The following FLT3 variants were observed in gnomAD, a reference collection of about 807,000 sequenced individuals.
FLT3 encodes receptor-type tyrosine-protein kinase FLT3.
Under a neutral mutation model 126.6 loss-of-function variants are expected in FLT3, and 46 were observed. The ratio of observed to expected loss-of-function variants is 0.36; its 90% CI spans 0.29 to 0.46. The LOEUF (loss-of-function observed/expected upper bound fraction) is 0.46, where lower values mean the gene tolerates loss of function less well. Among genes scored for constraint, FLT3 ranks in the 20% least tolerant of loss-of-function variants. The probability of loss-of-function intolerance (pLI) is 1.00; values close to 1 mark genes in which losing one functional copy is unlikely to be tolerated. For missense variants in FLT3, 1,069 were observed against 1,190.3 expected, an observed-to-expected ratio of 0.90 and a Z score of 1.50; for synonymous variants, 404 against 434.4, an observed-to-expected ratio of 0.93 and a Z score of 0.87.
At chr13:28,044,238 C>T (rs1035692032) in intron 9 of FLT3, among the ~76,000 whole-genome samples, 2 of 151,754 alleles carry the variant, frequency 1.3e-5, no homozygotes, top group African/African-American at 4.8e-5. Flanking sequence ...CATTTGAGGT[C>T]AGGAGTTCGA....
At chr13:28,013,529 A>G (rs948313546) in intron 23 of FLT3, among the ~76,000 whole-genome samples, 1 of 152,166 alleles carries the variant, frequency 6.6e-6, no homozygotes, top group African/African-American at 2.4e-5. Flanking sequence ...TCCTTTATTT[A>G]TTTCATCTGG....
rs183612269 is a variant in FLT3, at chr13:28,018,869, G to C, written c.2419-280C>G. On this transcript the variant is annotated intron_variant, in intron 19 of 23. Transcript: ENST00000241453. ...TTTTGCAGATTCCGAGCAAAAGTGAGAGGCTCCCCAACAGGGGCCCTCCCC... is the reference window on the plus strand; with the variant it reads ...TTTTGCAGATTCCGAGCAAAAGTGACAGGCTCCCCAACAGGGGCCCTCCCC... Among the ~76,000 whole-genome samples the C allele has an allele frequency of 2.6e-3, 390 of 152,290 alleles. 1 individual carries two copies. The highest frequency in any genetic ancestry group is 4.0e-3 in the Non-Finnish European group (273 of 68,018).
chr13:28,029,976 G>A (rs1873173443), intron 15 of FLT3, among the ~76,000 whole-genome samples: 2 of 152,166 alleles, frequency 1.3e-5, no homozygotes, highest in Admixed American at 1.3e-4. Context: ...CAGCCACAGG[G>A]GCAAGGGCAG....
At chr13:28,025,062 A>C in intron 17 of FLT3, 119 bp from the exon 18 acceptor site, 2 of 672,258 alleles carry the variant, frequency 3.0e-6, no homozygotes, top group South Asian at 3.8e-5. Flanking sequence ...TTAAATTAAA[A>C]GCACACCATC....
In FLT3 at chr13:28,057,333, C is replaced by T. The variant is rs775443081; in HGVS notation, c.484+14G>A. 3 of 1,063,704 alleles carry T rather than the reference C, an allele frequency of 2.8e-6. No individual in the cohort carries two copies. The South Asian group carries it at 3.7e-5, about 13-fold the overall frequency. 65.9% of individuals were successfully genotyped at this position (1,063,704 alleles called of 1,614,324 possible). A position where few individuals can be genotyped will look rare whatever the true frequency, so the allele number is the denominator to read the frequency against. On this transcript the variant is annotated intron_variant, in intron 4 of 23. Transcript: ENST00000241453. ...GTATTCCAGGCTGGAATACTAGTAG[C>T]AGGCTGGACTTACTTCTTATACTCA...
chr13:28,081,855 T>C, intron 1 of FLT3, among the ~76,000 whole-genome samples: 1 of 87,236 alleles, frequency 1.1e-5, no homozygotes, highest in East Asian at 2.4e-4. Context: ...TTTTTTTTTT[T>C]TTTTTTTTTT....
intron 23 of FLT3, chr13:28,009,186 TC>T (rs71707980): frequency 0.28 from 42,589 of 151,930 alleles, 6,223 homozygotes; most frequent in Admixed American, 0.35. Context: ...ATTTTTCTCT[TC>T]CCCCATTTTG....
intron 12 of FLT3, among the ~76,000 whole-genome samples, chr13:28,034,847 G>A (rs1012585680): frequency 1.6e-4 from 25 of 152,064 alleles, no homozygotes; most frequent in Admixed American, 2.6e-4. Flanking sequence ...CCAGCTGCTC[G>A]GGAGGCTGAG....
chr13:28,042,224 G>A (rs1874461997), intron 9 of FLT3, among the ~76,000 whole-genome samples: 1 of 149,346 alleles, frequency 6.7e-6, no homozygotes, highest in East Asian at 1.9e-4. Context: ...AGAAAAAAAA[G>A]TAAAGTTGAT....
chr13:28,067,055 G>A (rs754554236), intron 2 of FLT3, among the ~76,000 whole-genome samples: 37 of 152,144 alleles, frequency 2.4e-4, no homozygotes, highest in African/African-American at 8.0e-4. Flanking sequence ...CCATAATCTC[G>A]TTCTTGTTGC....
chr13:28,010,992 G>A (rs1462410516), intron 23 of FLT3, among the ~76,000 whole-genome samples: 3 of 151,162 alleles, frequency 2.0e-5, no homozygotes, highest in African/African-American at 7.3e-5. Flanking sequence ...GACGGAGTGA[G>A]ACTCTGTCTA....
At chr13:28,008,175 A>C (rs183282089) in intron 23 of FLT3, among the ~76,000 whole-genome samples, 2 of 149,504 alleles carry the variant, frequency 1.3e-5, no homozygotes, top group Non-Finnish European at 3.0e-5. Context: ...CAAGATCCCC[A>C]TCTCTGCAAA....
intron 9 of FLT3, among the ~76,000 whole-genome samples, chr13:28,045,048 T>A (rs1301554916): frequency 2.0e-5 from 3 of 152,180 alleles, no homozygotes; most frequent in African/African-American, 7.2e-5. Flanking sequence ...TACAAAACGC[T>A]ATAGGAGTCA....
At chr13:28,040,929 A>T (rs1226384736) in intron 9 of FLT3, among the ~76,000 whole-genome samples, 1 of 146,902 alleles carries the variant, frequency 6.8e-6, no homozygotes, top group African/African-American at 2.5e-5. Context: ...GAGCCACTAT[A>T]CTCCAGCCTA....
At chr13:28,017,665 G>GTTTTTTTTTTTTTTTT (rs113187201) in intron 20 of FLT3, among the ~76,000 whole-genome samples, 1 of 135,816 alleles carries the variant, frequency 7.4e-6, no homozygotes, top group Non-Finnish European at 1.6e-5. Context: ...TTTTGTTGTT[G>GTTTTTTTTTTTTTTTT]TTTTTTTTTT....
At position 28,024,137 on chromosome 13, in the gene FLT3, C is replaced by CTT. The variant is rs371442807; in HGVS notation, c.2291-662_2291-661dup. Among the ~76,000 whole-genome samples, 318 of 117,832 alleles carry CTT rather than the reference C, an allele frequency of 2.7e-3. 4 individuals are homozygous for CTT. Among genetic ancestry groups the CTT allele is most frequent in the African/African-American group, 8.7e-3 (288 of 33,184 alleles). 77.3% of individuals were successfully genotyped at this position (117,832 alleles called of 152,430 possible). On this transcript the variant is annotated intron_variant, in intron 18 of 23. Coordinates refer to ENST00000241453, the MANE Select transcript of FLT3 (RefSeq NM_004119.3). ...CTCCTTCCTTTTTTTTTCTTTCTTTCTTTTTTTTTTTTGAGTTGAAGTCTC... is the reference window on the plus strand; with the variant it reads ...CTCCTTCCTTTTTTTTTCTTTCTTTCTTTTTTTTTTTTTTGAGTTGAAGTCTC...
intron 1 of FLT3, among the ~76,000 whole-genome samples, chr13:28,071,275 G>A (rs1877497278): frequency 6.6e-6 from 1 of 151,786 alleles, no homozygotes; most frequent in African/African-American, 2.4e-5. Context: ...CTCCCAAAGT[G>A]CTGGGATTAC....
intron 1 of FLT3, among the ~76,000 whole-genome samples, chr13:28,082,190 G>A (rs1035482296): frequency 3.9e-5 from 6 of 151,978 alleles, no homozygotes; most frequent in Non-Finnish European, 5.9e-5. Context: ...TTGCTCTGTC[G>A]CCCAGGCTGG....
chr13:28,077,247 T>C (rs1305920083), intron 1 of FLT3, among the ~76,000 whole-genome samples: 1 of 152,150 alleles, frequency 6.6e-6, no homozygotes, highest in Non-Finnish European at 1.5e-5. Flanking sequence ...AAGCTTCATA[T>C]ATTAGTCCGT....
Sources: allele counts gnomAD v4.1 joint callset (sites outside exome capture counted in the v4.1 genomes callset), GRCh38; gene constraint gnomAD v4.1.1; transcripts MANE v1.5; gene names NCBI Gene and HGNC (gene_info 2026-07-23, HGNC 2026-07-21).